ZC3H12B: variants seen among roughly 807,000 people sequenced by gnomAD.
ZC3H12B encodes the protein zinc finger CCCH-type containing 12B.
In ZC3H12B, 7 loss-of-function variants were observed where a neutral mutation model predicts 43.9. That is an observed-to-expected ratio of 0.16 (90% CI 0.09 to 0.30). ZC3H12B has a LOEUF of 0.30. Ranked by LOEUF, ZC3H12B falls within the 10% of genes least tolerant of loss-of-function variation. The pLI is 1.00. For synonymous variants in ZC3H12B, 222 were observed against 241.7 expected (o/e 0.92, Z 0.76); for missense variants, 475 against 670.2 (o/e 0.71, Z 3.22).
chrX:65,442,160 G>T lies in ZC3H12B; in HGVS notation n.407+43456G>T, dbSNP rs199828178. Among the ~76,000 whole-genome samples the T allele has an allele frequency of 1.3e-4, 14 of 108,735 alleles. No individual in the cohort carries two copies. In the East Asian group the frequency reaches 4.0e-3, roughly 31 times the overall value. 94.4% of individuals were successfully genotyped at this position (108,735 alleles called of 115,157 possible). A position where few individuals can be genotyped will look rare whatever the true frequency, so the allele number is the denominator to read the frequency against. On this transcript the variant is annotated intron_variant and non_coding_transcript_variant, in intron 3 of 5. Coordinates refer to the ZC3H12B transcript ENST00000617377. ...GTCCTGCCATTGCCTGTGCCAACAAGGTAGCATTATACAGATTACCTCCGA... is the reference window on the plus strand; with the variant it reads ...GTCCTGCCATTGCCTGTGCCAACAATGTAGCATTATACAGATTACCTCCGA...
the ZC3H12B span, among the ~76,000 whole-genome samples, chrX:65,232,558 C>G: frequency 9.0e-6 from 1 of 111,566 alleles, no homozygotes; most frequent in Non-Finnish European, 1.9e-5. Flanking sequence ...GTGTTATTTG[C>G]AAGCCTCATG....
chrX:65,099,571 A>G, the ZC3H12B span, among the ~76,000 whole-genome samples: 32 of 111,387 alleles, frequency 2.9e-4, no homozygotes, highest in South Asian at 7.6e-4. Context: ...TCTGCTTGTG[A>G]TACTCAGGCA....
the ZC3H12B span, among the ~76,000 whole-genome samples, chrX:65,180,617 A>G: frequency 9.0e-6 from 1 of 111,593 alleles, no homozygotes; most frequent in South Asian, 3.7e-4. Context: ...CTATACACCA[A>G]TAATAGACAA....
intron 3 of ZC3H12B, among the ~76,000 whole-genome samples, chrX:65,426,881 C>T (rs1338964677): frequency 1.8e-5 from 2 of 111,655 alleles, no homozygotes; most frequent in African/African-American, 6.5e-5. Context: ...TGTTTTACTT[C>T]CAATTATGTG....
chrX:65,392,418 C>A (rs2066633217), intron 2 of ZC3H12B, among the ~76,000 whole-genome samples: 1 of 112,188 alleles, frequency 8.9e-6, no homozygotes, highest in Non-Finnish European at 1.9e-5. Flanking sequence ...TGTCCAGCTG[C>A]CCAGTCTGAG....
the ZC3H12B span, among the ~76,000 whole-genome samples, chrX:65,158,088 C>T: frequency 3.7e-5 from 4 of 108,381 alleles, no homozygotes; most frequent in Non-Finnish European, 7.6e-5. Flanking sequence ...CATGTCCCTA[C>T]AAAGGACATG....
At chrX:65,040,119 T>C in the ZC3H12B span, among the ~76,000 whole-genome samples, 1 of 111,836 alleles carries the variant, frequency 8.9e-6, no homozygotes, top group Non-Finnish European at 1.9e-5. Flanking sequence ...TACCATCTTT[T>C]TGGAATTAAT....
chrX:65,145,802 A>G, the ZC3H12B span, among the ~76,000 whole-genome samples: 1 of 111,733 alleles, frequency 8.9e-6, no homozygotes. Context: ...AGGAGGCTGA[A>G]GAGAGGGTCC....
chrX:65,201,718 G>T, the ZC3H12B span, among the ~76,000 whole-genome samples: 2 of 102,493 alleles, frequency 2.0e-5, no homozygotes, highest in South Asian at 4.6e-4. Context: ...GTTTGTTAAG[G>T]TCCTTGATAT....
chrX:65,048,018 A>T, the ZC3H12B span, among the ~76,000 whole-genome samples: 3 of 111,348 alleles, frequency 2.7e-5, no homozygotes, highest in Admixed American at 1.9e-4. Flanking sequence ...TCCAGAAGAT[A>T]TCTAAAACTT....
chrX:65,243,714 C>T, the ZC3H12B span, among the ~76,000 whole-genome samples: 1 of 112,178 alleles, frequency 8.9e-6, no homozygotes, highest in Admixed American at 9.4e-5. Context: ...GATACGGAAT[C>T]AACCTAAGTG....
At chrX:65,474,387 A>G (rs926921406) in intron 3 of ZC3H12B, among the ~76,000 whole-genome samples, 1 of 110,872 alleles carries the variant, frequency 9.0e-6, no homozygotes, top group African/African-American at 3.3e-5. Flanking sequence ...TTGACAGCAT[A>G]TTACTAGATC....
At chrX:65,229,307 G>A in the ZC3H12B span, among the ~76,000 whole-genome samples, 1 of 111,879 alleles carries the variant, frequency 8.9e-6, no homozygotes, top group Non-Finnish European at 1.9e-5. Flanking sequence ...TTACTAAATG[G>A]TGCTGGGAAA....
At chrX:65,310,183 T>C in the ZC3H12B span, among the ~76,000 whole-genome samples, 817 of 111,871 alleles carry the variant, frequency 7.3e-3, 3 homozygotes, top group Non-Finnish European at 0.013. Context: ...TAAAGTGTAT[T>C]CATTTAGGAA....
intron 2 of ZC3H12B, among the ~76,000 whole-genome samples, chrX:65,371,044 G>A (rs756244409): frequency 9.0e-6 from 1 of 111,513 alleles, no homozygotes; most frequent in Non-Finnish European, 1.9e-5. Context: ...TATCTCTAAG[G>A]TCTATTCCAA....
At chrX:65,322,308 A>G in the ZC3H12B span, among the ~76,000 whole-genome samples, 1 of 112,029 alleles carries the variant, frequency 8.9e-6, no homozygotes, top group Non-Finnish European at 1.9e-5. Flanking sequence ...ATCTGCCCCC[A>G]TGACTGGAAC....
the ZC3H12B span, among the ~76,000 whole-genome samples, chrX:65,243,520 G>A: frequency 8.9e-6 from 1 of 111,911 alleles, no homozygotes; most frequent in East Asian, 2.8e-4. Flanking sequence ...CATTCTTTGT[G>A]GGAATGTAAA....
intron 3 of ZC3H12B, among the ~76,000 whole-genome samples, chrX:65,454,939 A>G (rs756987406): frequency 1.8e-5 from 2 of 112,350 alleles, no homozygotes; most frequent in Non-Finnish European, 3.8e-5. Flanking sequence ...AAGGAAAACT[A>G]AAAAACAGAA....
chrX:65,358,840 G>A, the ZC3H12B span, among the ~76,000 whole-genome samples: 1 of 111,811 alleles, frequency 8.9e-6, no homozygotes, highest in Non-Finnish European at 1.9e-5. Flanking sequence ...GATTTTCAAT[G>A]TAGACGAAAC....
Sources: gnomAD v4.1 joint callset for allele counts (sites outside exome capture counted in the v4.1 genomes callset) on GRCh38, gnomAD v4.1.1 for gene constraint, MANE v1.5 for transcripts, NCBI Gene and HGNC (gene_info 2026-07-23, HGNC 2026-07-21) for gene names.